CPVL: variants seen among roughly 807,000 people sequenced by gnomAD.
CPVL encodes the protein probable serine carboxypeptidase CPVL.
In CPVL, 51 loss-of-function variants were observed where a neutral mutation model predicts 63.7. The observed-to-expected ratio is 0.80, with a 90% CI of 0.64 to 1.01. The LOEUF (loss-of-function observed/expected upper bound fraction) is 1.01. Ranked by LOEUF, CPVL falls within the 50% of genes least tolerant of loss-of-function variation. The pLI, the probability that CPVL is intolerant of heterozygous loss-of-function variation, is 0.00. For synonymous variants in CPVL, 195 were observed against 206.0 expected (o/e 0.95, Z 0.46); for missense variants, 530 against 573.1 (o/e 0.92, Z 0.77).
At chr7:29,003,133 T>C (rs1374104602) in intron 12 of CPVL, among the ~76,000 whole-genome samples, 1 of 147,802 alleles carries the variant, frequency 6.8e-6, no homozygotes, top group Non-Finnish European at 1.5e-5. Flanking sequence ...AATAGTATAT[T>C]ACACTATAGT....
At chr7:29,027,736 CA>C (rs1787639331) in intron 12 of CPVL, among the ~76,000 whole-genome samples, 1 of 151,940 alleles carries the variant, frequency 6.6e-6, no homozygotes, top group African/African-American at 2.4e-5. Context: ...ACAATAGCTA[CA>C]AAAGAAATAA....
At chr7:29,044,339 C>G (rs1789410765) in intron 11 of CPVL, among the ~76,000 whole-genome samples, 1 of 152,140 alleles carries the variant, frequency 6.6e-6, no homozygotes, top group African/African-American at 2.4e-5. Flanking sequence ...ATCACTTGAA[C>G]CCGGGAGGTG....
chr7:29,141,791 T>C (rs1791915479), intron 1 of CPVL, among the ~76,000 whole-genome samples: 1 of 151,858 alleles, frequency 6.6e-6, no homozygotes, highest in Non-Finnish European at 1.5e-5. Flanking sequence ...GGTACACGCC[T>C]GTAGTCCCAG....
chr7:29,159,664 G>A (rs1042363675), intron 5 of CPVL, among the ~76,000 whole-genome samples: 1 of 151,862 alleles, frequency 6.6e-6, no homozygotes, highest in African/African-American at 2.4e-5. Flanking sequence ...CCTTCTCAGT[G>A]AGATCTACCC....
At chr7:29,144,112 A>C (rs549223832) in intron 1 of CPVL, among the ~76,000 whole-genome samples, 1 of 152,328 alleles carries the variant, frequency 6.6e-6, no homozygotes, top group African/African-American at 2.4e-5. Flanking sequence ...TTAATGAGTC[A>C]TTGTTCTAGA....
chr7:29,145,235 T>C (rs931926141), intron 1 of CPVL, among the ~76,000 whole-genome samples: 1 of 151,070 alleles, frequency 6.6e-6, no homozygotes, highest in African/African-American at 2.4e-5. Context: ...TTTACTCTGC[T>C]TACATCTTTG....
At chr7:29,072,012 G>A (rs1783795738) in intron 8 of CPVL, 108 bp from the exon 9 acceptor site, 2 of 1,366,158 alleles carry the variant, frequency 1.5e-6, no homozygotes, top group Middle Eastern at 1.8e-4. Flanking sequence ...ATATTGTGCT[G>A]GTTAGCCAAG....
chr7:29,038,000 C>A (rs1562735343), intron 11 of CPVL, among the ~76,000 whole-genome samples: 1 of 152,050 alleles, frequency 6.6e-6, no homozygotes, highest in Non-Finnish European at 1.5e-5. Context: ...CAGGTTTTAC[C>A]AATGTTTTTA....
intron 11 of CPVL, among the ~76,000 whole-genome samples, chr7:29,037,568 A>AG (rs1231609361): frequency 0.01 from 1,483 of 141,486 alleles, 25 homozygotes; most frequent in African/African-American, 0.035. Flanking sequence ...AAAAAAAAAA[A>AG]AAAAGAAAAG....
intron 12 of CPVL, among the ~76,000 whole-genome samples, chr7:29,025,740 AG>A (rs2128147839): frequency 6.6e-6 from 1 of 152,336 alleles, no homozygotes; most frequent in South Asian, 2.1e-4. Flanking sequence ...TGTAAAAAAA[AG>A]TTTTCAATTT....
chr7:29,050,518 C>T (rs58329943), intron 11 of CPVL, among the ~76,000 whole-genome samples: 13,989 of 151,982 alleles, frequency 0.092, 1,940 homozygotes, highest in African/African-American at 0.3. Flanking sequence ...AGATACTTTG[C>T]AATAAACACT....
At chr7:29,190,592 A>G (rs1782762990) in intron 1 of CPVL, among the ~76,000 whole-genome samples, 1 of 152,202 alleles carries the variant, frequency 6.6e-6, no homozygotes, top group Non-Finnish European at 1.5e-5. Flanking sequence ...CAGCCGGTGA[A>G]GGAGGGTGGG....
At chr7:29,090,989 T>C (rs1031745496) in intron 6 of CPVL, among the ~76,000 whole-genome samples, 8 of 152,122 alleles carry the variant, frequency 5.3e-5, no homozygotes, top group Non-Finnish European at 1.2e-4. Context: ...CAAACACCCA[T>C]CTGGAGAGCT....
intron 1 of CPVL, among the ~76,000 whole-genome samples, chr7:29,132,845 A>G (rs1029998601): frequency 1.3e-5 from 2 of 152,206 alleles, no homozygotes; most frequent in Non-Finnish European, 2.9e-5. Flanking sequence ...ATTATCCTGC[A>G]AAATTTCATC....
At chr7:29,077,473 T>C (rs530491386) in intron 7 of CPVL, among the ~76,000 whole-genome samples, 39 of 152,286 alleles carry the variant, frequency 2.6e-4, no homozygotes, top group African/African-American at 8.4e-4. Flanking sequence ...GTTCCTACCC[T>C]TTGCCTGGCA....
At chr7:29,073,339 T>C (rs945572194) in intron 7 of CPVL, among the ~76,000 whole-genome samples, 1 of 152,180 alleles carries the variant, frequency 6.6e-6, no homozygotes, top group African/African-American at 2.4e-5. Context: ...GAGTCCAATG[T>C]CTTCTCACAA....
At chr7:29,022,699 C>T (rs1026099504) in intron 12 of CPVL, among the ~76,000 whole-genome samples, 3 of 152,248 alleles carry the variant, frequency 2.0e-5, no homozygotes, top group Non-Finnish European at 2.9e-5. Flanking sequence ...CTGCCTGCCA[C>T]AGCCTTTGTA....
rs556928138 is a variant in CPVL, at chr7:29,091,027, A to G, written c.542+1596T>C. On this transcript the variant is annotated intron_variant, in intron 6 of 12. Coordinates refer to ENST00000265394, the MANE Select transcript of CPVL (RefSeq NM_031311.5). ...AGAGAAGAATGTGGTCACAAAGGGA[A>G]ATGAATAGTGTAAACTATAAAGGAA... Among the ~76,000 whole-genome samples the G allele has an allele frequency of 2.6e-5, 4 of 152,332 alleles. No individual in the cohort carries two copies. In the East Asian group the frequency reaches 7.7e-4, roughly 29 times the overall value.
At chr7:29,098,262 G>A (rs1297607163) in intron 3 of CPVL, among the ~76,000 whole-genome samples, 2 of 152,146 alleles carry the variant, frequency 1.3e-5, no homozygotes, top group African/African-American at 4.8e-5. Context: ...AAGACCTGCA[G>A]GAAGAGCTGA....
Sources: gnomAD v4.1 joint callset for allele counts (sites outside exome capture counted in the v4.1 genomes callset) on GRCh38, gnomAD v4.1.1 for gene constraint, MANE v1.5 for transcripts, NCBI Gene and HGNC (gene_info 2026-07-23, HGNC 2026-07-21) for gene names.